Variants in DHX15 observed in about 807,000 individuals in gnomAD.
The protein encoded by DHX15 is DEAH-box helicase 15.
In DHX15, 11 loss-of-function variants were observed where a neutral mutation model predicts 94.4. The observed-to-expected ratio is 0.12, with a 90% CI of 0.07 to 0.19. DHX15 has a LOEUF of 0.19. DHX15 is among the 10% of genes least tolerant of loss of function. The pLI is 1.00. For synonymous variants in DHX15, 338 were observed against 329.9 expected, an observed-to-expected ratio of 1.02 and a Z score of -0.27; for missense variants, 304 against 988.5, an observed-to-expected ratio of 0.31 and a Z score of 9.29.
In DHX15 at chr4:24,548,838, A is replaced by C; in HGVS notation, c.1248+17T>G. On this transcript the variant is annotated intron_variant, in intron 6 of 13. Coordinates refer to ENST00000336812, the MANE Select transcript of DHX15 (RefSeq NM_001358.3). The stretch of plus-strand genomic sequence containing the variant: ...CATTATTAGTGAAATATTTATAAAG[A>C]GCATTTCTAATGTTACCTTTCTTCC... 1 of 1,602,862 alleles carries C rather than the reference A, an allele frequency of 6.2e-7. No homozygotes were observed. Among genetic ancestry groups the C allele is most frequent in the Non-Finnish European group, 8.5e-7 (1 of 1,174,530 alleles).
intron 3 of DHX15, among the ~76,000 whole-genome samples, chr4:24,557,186 T>A (rs1721757699): frequency 6.6e-6 from 1 of 152,150 alleles, no homozygotes; most frequent in Non-Finnish European, 1.5e-5. Flanking sequence ...GTCAAGATTG[T>A]ATAACTTTGC....
intron 6 of DHX15, among the ~76,000 whole-genome samples, chr4:24,545,323 A>G (rs1266403071): frequency 6.6e-6 from 1 of 152,234 alleles, no homozygotes; most frequent in Non-Finnish European, 1.5e-5. Flanking sequence ...TTTAGTTACC[A>G]TTATAAAAAG....
chr4:24,545,835 A>G (rs921391327), intron 6 of DHX15, among the ~76,000 whole-genome samples: 1 of 152,186 alleles, frequency 6.6e-6, no homozygotes, highest in Non-Finnish European at 1.5e-5. Context: ...TGCTTTCTAG[A>G]CTGCAACACT....
chr4:24,548,140 C>CTTTTTT (rs71196189), intron 6 of DHX15, among the ~76,000 whole-genome samples: 3 of 108,164 alleles, frequency 2.8e-5, no homozygotes, highest in Admixed American at 9.7e-5. Context: ...ATCAGTGCTA[C>CTTTTTT]TTTTTTTTTT....
chr4:24,555,958 C>G (rs1721730221), intron 4 of DHX15, among the ~76,000 whole-genome samples: 1 of 151,978 alleles, frequency 6.6e-6, no homozygotes, highest in African/African-American at 2.4e-5. Flanking sequence ...AGCCTCTGTA[C>G]TTAATGAAGG....
chr4:24,538,709 G>T (rs998429848), intron 10 of DHX15: 76 of 151,206 alleles, frequency 5.0e-4, no homozygotes, highest in African/African-American at 1.8e-3. Flanking sequence ...ACAAACTAAA[G>T]GTTTTTATTT....
intron 11 of DHX15, among the ~76,000 whole-genome samples, chr4:24,535,205 T>G (rs958480990): frequency 6.6e-6 from 1 of 152,308 alleles, no homozygotes; most frequent in East Asian, 1.9e-4. Flanking sequence ...ACAGGCCACT[T>G]GTAGCCTAAG....
At chr4:24,556,202 G>A in intron 4 of DHX15, 49 bp downstream of exon 4, 1 of 1,518,096 alleles carries the variant, frequency 6.6e-7, no homozygotes, top group Non-Finnish European at 9.0e-7. Context: ...CCATTTTTAT[G>A]CCCACATACA....
chr4:24,533,453 ATTG>A (rs1721131523), intron 11 of DHX15: 1 of 233,492 alleles, frequency 4.3e-6, no homozygotes, highest in Middle Eastern at 1.7e-3. Context: ...ACTGCAAACA[ATTG>A]TTGTGTATTG....
intron 1 of DHX15, among the ~76,000 whole-genome samples, chr4:24,584,007 G>T (rs1046665877): frequency 6.6e-6 from 1 of 152,182 alleles, no homozygotes; most frequent in Non-Finnish European, 1.5e-5. Flanking sequence ...CGAGGTCCGC[G>T]GTTCACTCCC....
At chr4:24,542,378 G>A (rs779204014) in intron 7 of DHX15, among the ~76,000 whole-genome samples, 4 of 151,910 alleles carry the variant, frequency 2.6e-5, no homozygotes, top group African/African-American at 7.3e-5. Flanking sequence ...AAAACTCGAC[G>A]GTCTGAGTAC....
chr4:24,557,514 C>G (rs1721763414), intron 3 of DHX15, among the ~76,000 whole-genome samples: 1 of 152,044 alleles, frequency 6.6e-6, no homozygotes, highest in Admixed American at 6.6e-5. Flanking sequence ...TAGTGTACAA[C>G]AAAAAGAAGT....
chr4:24,557,599 T>G (rs1205798510), intron 3 of DHX15, among the ~76,000 whole-genome samples: 2 of 152,208 alleles, frequency 1.3e-5, no homozygotes, highest in Non-Finnish European at 2.9e-5. Flanking sequence ...CTTAACTCAT[T>G]TATATGCTTT....
intron 5 of DHX15, among the ~76,000 whole-genome samples, chr4:24,550,525 A>G (rs1314551979): frequency 6.6e-6 from 1 of 152,072 alleles, no homozygotes; most frequent in African/African-American, 2.4e-5. Context: ...AACTTATTAA[A>G]CTTTTTGGTT....
chr4:24,557,113 T>C (rs576749975), intron 3 of DHX15, among the ~76,000 whole-genome samples: 5 of 152,254 alleles, frequency 3.3e-5, no homozygotes, highest in South Asian at 2.1e-4. Context: ...TGAAGGCTGC[T>C]AATATGGACT....
chr4:24,573,935 C>T lies in DHX15; in HGVS notation c.507+2308G>A, dbSNP rs780451810. On this transcript the variant is annotated intron_variant, in intron 2 of 13. Transcript: ENST00000336812. ...TCATGGCCCGGTGCAGTGGCTTGGG[C>T]CTGTAATCCCAGCACTTTGGGAGGC... Among the ~76,000 whole-genome samples the T allele has an allele frequency of 1.0e-3, 150 of 143,136 alleles. 1 individual carries two copies. Among genetic ancestry groups the T allele is most frequent in the Non-Finnish European group, 1.6e-3 (104 of 64,134 alleles). The allele number at this position is 143,136 out of a possible 152,430, so 93.9% of individuals were successfully genotyped here.
chr4:24,582,954 G>A (rs538463175), intron 1 of DHX15, among the ~76,000 whole-genome samples: 66 of 152,250 alleles, frequency 4.3e-4, no homozygotes, highest in African/African-American at 1.5e-3. Flanking sequence ...AATGTGACAT[G>A]CTTTTGCTTT....
At chr4:24,546,850 T>C (rs551660644) in intron 6 of DHX15, among the ~76,000 whole-genome samples, 1 of 152,326 alleles carries the variant, frequency 6.6e-6, no homozygotes, top group South Asian at 2.1e-4. Flanking sequence ...TCAAAAACTT[T>C]CAACTTTTAT....
At position 24,563,023 on chromosome 4, in the gene DHX15, T is replaced by C. The variant is rs1480703177; in HGVS notation, c.702-6613A>G. Among the ~76,000 whole-genome samples the C allele has an allele frequency of 7.2e-5, 11 of 152,080 alleles. 1 individual carries two copies. The South Asian group carries it at 2.3e-3, about 32-fold the overall frequency. The stretch of plus-strand genomic sequence containing the variant: ...ACAAATGAACCCATACTCAACAAAA[T>C]GGTGTTGATTAATGTTAACAATAAA... On this transcript the variant is annotated intron_variant, in intron 3 of 13. Transcript: ENST00000336812.
Sources: allele counts gnomAD v4.1 joint callset (sites outside exome capture counted in the v4.1 genomes callset), GRCh38; gene constraint gnomAD v4.1.1; transcripts MANE v1.5; gene names NCBI Gene and HGNC (gene_info 2026-07-23, HGNC 2026-07-21).